The following SULF1 variants were observed in gnomAD, a reference collection of about 807,000 sequenced individuals.
SULF1 encodes sulfatase 1.
Under a neutral mutation model 110.5 loss-of-function variants are expected in SULF1, and 46 were observed. That is an observed-to-expected ratio of 0.42 (90% confidence interval 0.33 to 0.53). The LOEUF is 0.53. SULF1 is among the 20% of genes least tolerant of loss of function. The pLI, the probability that SULF1 is intolerant of heterozygous loss-of-function variation, is 0.12. For synonymous variants in SULF1, 371 were observed against 387.1 expected, an observed-to-expected ratio of 0.96 and a Z score of 0.49; for missense variants, 941 against 1,094.2, an observed-to-expected ratio of 0.86 and a Z score of 1.98.
chr8:69,480,801 C>T (rs1055795570), intron 1 of SULF1, among the ~76,000 whole-genome samples: 8 of 149,212 alleles, frequency 5.4e-5, no homozygotes, highest in Admixed American at 1.4e-4. Flanking sequence ...TTTTGTTTTT[C>T]ACTGCATGTT....
intron 2 of SULF1, among the ~76,000 whole-genome samples, chr8:69,500,712 C>G (rs1008061291): frequency 6.6e-6 from 1 of 152,124 alleles, no homozygotes; most frequent in African/African-American, 2.4e-5. Context: ...TCCCCAACCC[C>G]CAGGAGGAGA....
chr8:69,633,956 T>A (rs932400156), intron 19 of SULF1, among the ~76,000 whole-genome samples: 3 of 152,216 alleles, frequency 2.0e-5, no homozygotes, highest in Admixed American at 6.5e-5. Context: ...TTGGAAGATT[T>A]CTACACAGAT....
chr8:69,587,658 C>T (rs1255429011), intron 7 of SULF1, among the ~76,000 whole-genome samples: 1 of 152,176 alleles, frequency 6.6e-6, no homozygotes, highest in Non-Finnish European at 1.5e-5. Flanking sequence ...TGGATACAAT[C>T]ATTGCAAGCA....
intron 21 of SULF1, 59 bp downstream of exon 21, chr8:69,638,917 C>A: frequency 1.3e-6 from 2 of 1,515,532 alleles, no homozygotes; most frequent in Non-Finnish European, 1.8e-6. Flanking sequence ...TGTTACTGAG[C>A]TTTCTGCCTT....
At chr8:69,510,562 TA>T (rs1185832073) in intron 3 of SULF1, among the ~76,000 whole-genome samples, 1 of 152,040 alleles carries the variant, frequency 6.6e-6, no homozygotes, top group African/African-American at 2.4e-5. Flanking sequence ...AAAAATCCAG[TA>T]ATTCACAAAG....
intron 1 of SULF1, among the ~76,000 whole-genome samples, chr8:69,480,737 A>C (rs911720066): frequency 2.6e-5 from 4 of 152,102 alleles, no homozygotes; most frequent in Admixed American, 6.5e-5. Context: ...AATAACTCAA[A>C]ATAAAAAGAT....
chr8:69,588,050 C>G (rs1420480455), intron 7 of SULF1, among the ~76,000 whole-genome samples: 3 of 152,154 alleles, frequency 2.0e-5, no homozygotes, highest in Admixed American at 6.5e-5. Flanking sequence ...TTAGCCATGC[C>G]TGGAAGCCTT....
At chr8:69,622,362 T>G (rs1362944382) in intron 14 of SULF1, among the ~76,000 whole-genome samples, 1 of 152,144 alleles carries the variant, frequency 6.6e-6, no homozygotes, top group Admixed American at 6.5e-5. Flanking sequence ...GCAGATCATT[T>G]GAGGTCAGGG....
chr8:69,493,827 ATG>A (rs1810127128), intron 1 of SULF1, among the ~76,000 whole-genome samples: 1 of 152,270 alleles, frequency 6.6e-6, no homozygotes, highest in Non-Finnish European at 1.5e-5. Context: ...TTATCAAACT[ATG>A]TGTCTTAAAG....
At position 69,494,237 on chromosome 8, in the gene SULF1, C is replaced by T. The variant is rs187816189; in HGVS notation, c.-391+1112C>T. On this transcript the variant is annotated intron_variant, in intron 1 of 22. Coordinates refer to ENST00000402687, the MANE Select transcript of SULF1 (RefSeq NM_001128205.2). ...CCTCTAGATGAATAGATGTGAAAAC[C>T]ATGTATAGTATGTATGTATATGTTA... Among the ~76,000 whole-genome samples the T allele has an allele frequency of 2.6e-4, 40 of 152,186 alleles. 1 individual carries two copies. The highest frequency in any genetic ancestry group is 1.8e-3 in the Admixed American group (28 of 15,284).
intron 12 of SULF1, 113 bp downstream of exon 12, chr8:69,603,769 C>A (rs996805310): frequency 2.7e-6 from 2 of 752,538 alleles, no homozygotes; most frequent in East Asian, 5.2e-5. Flanking sequence ...ATTTCGTAAA[C>A]CTAGTCACAA....
At chr8:69,639,615 G>A (rs1211025049) in intron 21 of SULF1, among the ~76,000 whole-genome samples, 1 of 152,176 alleles carries the variant, frequency 6.6e-6, no homozygotes, top group African/African-American at 2.4e-5. Context: ...AGCTGGCAAG[G>A]GCATGGACCT....
rs116661344 is a variant in SULF1 at position 69,496,709 on chromosome 8, C to T, written c.-229+783C>T. 6.2e-3 allele frequency among the ~76,000 whole-genome samples: 950 copies of T among 152,310 alleles called. 3 individuals are homozygous for T. The highest frequency in any genetic ancestry group is 0.022 in the African/African-American group (908 of 41,552). Reference sequence around the variant, plus strand: ...GGTTACTCAAGCCATTTAAACTTGGCTTCATAAGCAAGTACTACACCCTCA... The same window carrying T: ...GGTTACTCAAGCCATTTAAACTTGGTTTCATAAGCAAGTACTACACCCTCA... On this transcript the variant is annotated intron_variant, in intron 2 of 22. Coordinates refer to ENST00000402687, the MANE Select transcript of SULF1 (RefSeq NM_001128205.2).
At chr8:69,575,687 T>C (rs952164599) in intron 5 of SULF1, among the ~76,000 whole-genome samples, 2 of 152,172 alleles carry the variant, frequency 1.3e-5, no homozygotes, top group African/African-American at 4.8e-5. Context: ...ATCTGCTCCA[T>C]ATCTAAAATT....
At chr8:69,599,297 C>T (rs934802486) in intron 8 of SULF1, among the ~76,000 whole-genome samples, 1 of 152,200 alleles carries the variant, frequency 6.6e-6, no homozygotes, top group African/African-American at 2.4e-5. Flanking sequence ...TCAGATTTCT[C>T]GGTCACATAA....
chr8:69,528,139 A>G (rs905180540), intron 3 of SULF1, among the ~76,000 whole-genome samples: 2 of 152,122 alleles, frequency 1.3e-5, no homozygotes, highest in Non-Finnish European at 2.9e-5. Context: ...CCTTTGGCAC[A>G]TTGCCTCTTG....
intron 3 of SULF1, among the ~76,000 whole-genome samples, chr8:69,514,966 C>T (rs1356770376): frequency 6.6e-6 from 1 of 152,146 alleles, no homozygotes; most frequent in East Asian, 1.9e-4. Context: ...CAGGGTACAA[C>T]CTCCTGGGCT....
At chr8:69,528,191 A>G (rs1812833612) in intron 3 of SULF1, among the ~76,000 whole-genome samples, 1 of 152,136 alleles carries the variant, frequency 6.6e-6, no homozygotes, top group African/African-American at 2.4e-5. Flanking sequence ...GGAGATTTTG[A>G]TGAAACCACC....
intron 3 of SULF1, among the ~76,000 whole-genome samples, chr8:69,552,343 A>G (rs1196534174): frequency 6.6e-6 from 1 of 152,202 alleles, no homozygotes; most frequent in African/African-American, 2.4e-5. Context: ...TCTAATTGCT[A>G]GAAGGAAGTC....
Sources: gnomAD v4.1 joint callset for allele counts (sites outside exome capture counted in the v4.1 genomes callset) on GRCh38, gnomAD v4.1.1 for gene constraint, MANE v1.5 for transcripts, NCBI Gene and HGNC (gene_info 2026-07-23, HGNC 2026-07-21) for gene names.